Variants in JAK2 observed in about 807,000 individuals in gnomAD.
JAK2 encodes the protein Janus kinase 2.
In JAK2, 86 loss-of-function variants were observed where a neutral mutation model predicts 139.3. The observed-to-expected ratio is 0.62, with a 90% CI of 0.52 to 0.74. The LOEUF (loss-of-function observed/expected upper bound fraction) is 0.74, where lower values mean the gene tolerates loss of function less well. Ranked by LOEUF, JAK2 falls within the 30% of genes least tolerant of loss-of-function variation. The probability of loss-of-function intolerance (pLI) is 0.00; values close to 1 mark genes in which losing one functional copy is unlikely to be tolerated. For synonymous variants in JAK2, 490 were observed against 437.7 expected (o/e 1.12, Z -1.49); for missense variants, 1,421 against 1,360.3 (o/e 1.04, Z -0.70).
intron 8 of JAK2, among the ~76,000 whole-genome samples, chr9:5,063,837 G>A (rs1818357017): frequency 6.6e-6 from 1 of 151,864 alleles, no homozygotes; most frequent in Non-Finnish European, 1.5e-5. Flanking sequence ...CTGCATTTTT[G>A]GCTGACTACA....
At chr9:5,041,615 C>T (rs1019561157) in intron 4 of JAK2, 1 of 495,598 alleles carries the variant, frequency 2.0e-6, no homozygotes, top group African/African-American at 2.0e-5. Flanking sequence ...ACTGTGACTA[C>T]ATGCGGCGCC....
chr9:5,019,728 G>C (rs899276462), intron 2 of JAK2, among the ~76,000 whole-genome samples: 1 of 152,146 alleles, frequency 6.6e-6, no homozygotes. Context: ...TGGGGTGTTT[G>C]TTGGCCAGGG....
intron 5 of JAK2, among the ~76,000 whole-genome samples, chr9:5,049,347 A>G (rs986056073): frequency 2.0e-5 from 3 of 152,188 alleles, no homozygotes; most frequent in Admixed American, 1.3e-4. Context: ...AATCCACATT[A>G]TTTCTTCACA....
chr9:4,992,154 C>T (rs1050755715), intron 2 of JAK2, among the ~76,000 whole-genome samples: 1 of 152,132 alleles, frequency 6.6e-6, no homozygotes, highest in South Asian at 2.1e-4. Flanking sequence ...CTGGAGGTGT[C>T]TTCACTCACA....
At position 5,126,327 on chromosome 9, in the gene JAK2, T is replaced by C; in HGVS notation, c.3178-6T>C. ...ACAAAAAATATTGAAAGTGGGTTTG[T>C]TTTAGGAATTTATGCGTATGATTGG... On this transcript the variant is annotated splice_region_variant and splice_polypyrimidine_tract_variant and intron_variant, in intron 23 of 24. Coordinates refer to ENST00000381652, the MANE Select transcript of JAK2 (RefSeq NM_004972.4). The C allele has an allele frequency of 6.3e-7, 1 of 1,580,016 alleles. No homozygotes were observed. The highest frequency in any genetic ancestry group is 8.6e-7 in the Non-Finnish European group (1 of 1,157,692).
chr9:4,989,190 C>CT (rs1820115821), intron 2 of JAK2, among the ~76,000 whole-genome samples: 1 of 152,204 alleles, frequency 6.6e-6, no homozygotes, highest in Non-Finnish European at 1.5e-5. Context: ...AGTCTTTTGT[C>CT]TAAGGATCTC....
In JAK2 at chr9:5,069,962, T is replaced by G. The variant is rs1222088315; in HGVS notation, c.1551T>G (p.Val517=). ...SNLLVFRTNG[V]SDVPTSPTLQ... is the part of the protein sequence containing the mutation. ...TTCTAGTCTTCAGAACGAATGGTGT[T>G]TCTGATGTACCAACCTCACCAACAT... Residue 517 remains valine (V), a synonymous_variant, in exon 12 of 25, where the codon GTT becomes GTG. Coordinates refer to ENST00000381652, the MANE Select transcript of JAK2 (RefSeq NM_004972.4). 6.2e-7 allele frequency: 1 copy of G among 1,607,048 alleles called. No homozygotes were observed. Among genetic ancestry groups the G allele is most frequent in the South Asian group, 1.1e-5 (1 of 90,462 alleles).
chr9:5,073,514 G>A (rs955644183), intron 13 of JAK2, among the ~76,000 whole-genome samples, 184 bp from the exon 14 acceptor site: 1 of 152,072 alleles, frequency 6.6e-6, no homozygotes, highest in Non-Finnish European at 1.5e-5. Flanking sequence ...CTTACACAGG[G>A]GTTTCCTCAG....
intron 19 of JAK2, chr9:5,085,326 C>T: frequency 2.5e-6 from 2 of 804,602 alleles, no homozygotes; most frequent in South Asian, 2.6e-5. Context: ...CATCTATTAG[C>T]TGAAAAGCTA....
Position 4,998,162 on chromosome 9 carries a change from A to C in JAK2, c.-26+12140A>C, listed in dbSNP as rs376650287. Among the ~76,000 whole-genome samples, 13 of 152,306 alleles carry C rather than the reference A, an allele frequency of 8.5e-5. No homozygotes were observed. The South Asian group carries it at 1.2e-3, about 15-fold the overall frequency. On this transcript the variant is annotated intron_variant, in intron 2 of 24. Coordinates refer to ENST00000381652, the MANE Select transcript of JAK2 (RefSeq NM_004972.4). ...TTTATTTTTTATAGACAAACTCGTC[A>C]CTTCTTAAAATCTTTTAAAAATGTC...
chr9:5,109,919 C>G (rs1463431595), intron 22 of JAK2: 3 of 152,176 alleles, frequency 2.0e-5, no homozygotes, highest in Admixed American at 6.5e-5. Flanking sequence ...TCATGTCTTT[C>G]TTACTAACTG....
At chr9:5,002,403 T>G (rs144040459) in intron 2 of JAK2, among the ~76,000 whole-genome samples, 1 of 152,124 alleles carries the variant, frequency 6.6e-6, no homozygotes, top group African/African-American at 2.4e-5. Context: ...TGGGATTATT[T>G]AGAACTATGT....
At chr9:5,110,282 C>G (rs1822345754) in intron 22 of JAK2, 3 of 152,296 alleles carry the variant, frequency 2.0e-5, no homozygotes, top group South Asian at 2.1e-4. Flanking sequence ...ACCTCTGAAC[C>G]CAAACCTTTA....
chr9:5,114,621 C>A, intron 22 of JAK2: 1 of 485,416 alleles, frequency 2.1e-6, no homozygotes, highest in Non-Finnish European at 4.1e-6. Context: ...GGTGCAGCTC[C>A]CGGACACTTG....
At chr9:5,052,216 A>C in intron 6 of JAK2, among the ~76,000 whole-genome samples, 1 of 152,106 alleles carries the variant, frequency 6.6e-6, no homozygotes, top group East Asian at 1.9e-4. Context: ...CTGTCATCCA[A>C]AGTCTTGGCA....
At chr9:5,042,618 C>T (rs1816678785) in intron 4 of JAK2, among the ~76,000 whole-genome samples, 1 of 152,212 alleles carries the variant, frequency 6.6e-6, no homozygotes, top group African/African-American at 2.4e-5. Context: ...CAGCTGCCCC[C>T]GTTAGCGTCA....
At position 5,064,924 on chromosome 9, in the gene JAK2, G is replaced by C. The variant is rs2130491924; in HGVS notation, c.1098G>C (p.Val366=). 4.4e-6 allele frequency: 7 copies of C among 1,596,942 alleles called. No homozygotes were observed. The highest frequency in any genetic ancestry group is 1.3e-5 in the African/African-American group (1 of 74,216). Residue 366 remains valine, a synonymous_variant, in exon 9 of 25, where the codon GTG becomes GTC. Coordinates refer to ENST00000381652, the MANE Select transcript of JAK2 (RefSeq NM_004972.4). ...LSSLREALSF[V]SLIDGYYRLT... The stretch of plus-strand genomic sequence containing the variant: ...CATTAAGGGAAGCTTTGTCTTTCGT[G>C]TCATTAATTGATGGATATTATAGAT...
In JAK2 at chr9:5,041,289, G is replaced by T. The variant is rs1195520319; in HGVS notation, c.351-3114G>T. On this transcript the variant is annotated intron_variant, in intron 4 of 24. Coordinates refer to ENST00000381652, the MANE Select transcript of JAK2 (RefSeq NM_004972.4). ...CTCGGGCTGGCCAAGGGGTACACTGGTCTCAGGACCAAGAAGCACATCCCG... is the reference window on the plus strand; with the variant it reads ...CTCGGGCTGGCCAAGGGGTACACTGTTCTCAGGACCAAGAAGCACATCCCG... 5 of 971,212 alleles carry T rather than the reference G, an allele frequency of 5.1e-6. No homozygotes were observed. The African/African-American group carries it at 6.4e-5, about 13-fold the overall frequency. 60.2% of individuals were successfully genotyped at this position (971,212 alleles called of 1,614,324 possible).
chr9:5,019,350 A>G (rs545283262), intron 2 of JAK2, among the ~76,000 whole-genome samples: 31 of 152,198 alleles, frequency 2.0e-4, no homozygotes, highest in African/African-American at 6.7e-4. Context: ...ATTTCATTAA[A>G]TGAATTCTTC....
Sources: allele counts gnomAD v4.1 joint callset (sites outside exome capture counted in the v4.1 genomes callset), GRCh38; gene constraint gnomAD v4.1.1; transcripts MANE v1.5; gene names NCBI Gene and HGNC (gene_info 2026-07-23, HGNC 2026-07-21).